GDAP2: variants seen among roughly 807,000 people sequenced by gnomAD.
GDAP2 encodes the protein ganglioside-induced differentiation-associated protein 2.
Under a neutral mutation model 67.0 loss-of-function variants are expected in GDAP2, and 51 were observed. The ratio of observed to expected loss-of-function variants is 0.76; its 90% confidence interval spans 0.61 to 0.96. GDAP2 has a LOEUF of 0.96. GDAP2 is among the 40% of genes least tolerant of loss of function. GDAP2 has a pLI of 0.00. For missense variants in GDAP2, 547 were observed against 588.3 expected (o/e 0.93, Z 0.73); for synonymous variants, 203 against 207.3 (o/e 0.98, Z 0.18).
intron 8 of GDAP2, among the ~76,000 whole-genome samples, chr1:117,892,421 T>C (rs1355825406): frequency 6.6e-6 from 1 of 152,176 alleles, no homozygotes; most frequent in Non-Finnish European, 1.5e-5. Context: ...TGCAATCTTT[T>C]GTTCCAATCC....
At chr1:117,897,402 T>G (rs1397762494) in intron 7 of GDAP2, among the ~76,000 whole-genome samples, 1 of 152,228 alleles carries the variant, frequency 6.6e-6, no homozygotes, top group Non-Finnish European at 1.5e-5. Context: ...AGCATTTGAT[T>G]GCATAAATGC....
intron 13 of GDAP2, chr1:117,877,778 CAG>C: frequency 1.6e-6 from 2 of 1,238,608 alleles, no homozygotes; most frequent in Non-Finnish European, 2.0e-6. Context: ...GAACTCACAG[CAG>C]AGAGATCTCC....
In GDAP2 at chr1:117,922,285, A is replaced by G. The variant is rs78159682; in HGVS notation, c.-67-1861T>C. ...GATCCAAGGACTGAGTCCTACAACA[A>G]AACTTAGAGGCTGGAAAGAGGACAA... On this transcript the variant is annotated intron_variant, in intron 1 of 13. Transcript: ENST00000369443. 5.6e-3 allele frequency among the ~76,000 whole-genome samples: 849 copies of G among 152,310 alleles called. 6 individuals are homozygous for G. Among genetic ancestry groups the G allele is most frequent in the East Asian group, 0.033 (170 of 5,174 alleles).
rs762015128 is a variant in GDAP2 at position 117,899,222 on chromosome 1, T to C, written c.637-6A>G. 1.2e-6 allele frequency: 2 copies of C among 1,601,886 alleles called. No individual in the cohort carries two copies. Among genetic ancestry groups the C allele is most frequent in the Admixed American group, 3.3e-5 (2 of 59,974 alleles). On this transcript the variant is annotated splice_region_variant and splice_polypyrimidine_tract_variant and intron_variant, in intron 6 of 13. Coordinates refer to ENST00000369443, the MANE Select transcript of GDAP2 (RefSeq NM_017686.4). The stretch of plus-strand genomic sequence containing the variant: ...AGCAGCTTTTGGTAAGTACCCTGTG[T>C]CAGAAAAGCAAGACATTCTGTGAAA...
Position 117,868,868 on chromosome 1 carries a change from A to T in GDAP2, c.*1701T>A, listed in dbSNP as rs1648163214. 1 of 152,204 alleles carries T rather than the reference A, an allele frequency of 6.6e-6. No individual in the cohort carries two copies. Among genetic ancestry groups the T allele is most frequent in the Non-Finnish European group, 1.5e-5 (1 of 68,042 alleles). The allele number at this position is 152,204 out of a possible 1,614,324, so 9.4% of individuals were successfully genotyped here. ...TAGATGTATATATAAGGATCAAGTA[A>T]TTTTGAGGTCTGACACAAAGAAAAT... is the stretch of plus-strand genomic sequence containing the variant. On this transcript the variant is annotated 3_prime_UTR_variant, in exon 14 of 14. Coordinates refer to ENST00000369443, the MANE Select transcript of GDAP2 (RefSeq NM_017686.4).
chr1:117,894,007 T>C (rs1251206984), intron 8 of GDAP2, among the ~76,000 whole-genome samples: 3 of 152,212 alleles, frequency 2.0e-5, no homozygotes, highest in Non-Finnish European at 4.4e-5. Context: ...TGCAAATCTC[T>C]TTAATTTCTG....
At chr1:117,898,884 TTTTA>T (rs1649350340) in intron 7 of GDAP2, among the ~76,000 whole-genome samples, 169 bp downstream of exon 7, 1 of 152,204 alleles carries the variant, frequency 6.6e-6, no homozygotes. Flanking sequence ...CTAGCTATAC[TTTTA>T]TTTTTAATTT....
chr1:117,877,880 CCAAGT>C, intron 13 of GDAP2, 124 bp downstream of exon 13: 1 of 1,309,724 alleles, frequency 7.6e-7, no homozygotes, highest in Non-Finnish European at 9.8e-7. Flanking sequence ...AATGATATTA[CCAAGT>C]TTATTAAGAC....
chr1:117,921,614 G>A (rs562612233), intron 1 of GDAP2, among the ~76,000 whole-genome samples: 1 of 152,304 alleles, frequency 6.6e-6, no homozygotes, highest in South Asian at 2.1e-4. Context: ...ATGAGTGGTA[G>A]GTGATGAGGT....
intron 8 of GDAP2, among the ~76,000 whole-genome samples, chr1:117,888,480 G>A (rs1398402331): frequency 6.6e-6 from 1 of 152,084 alleles, no homozygotes; most frequent in Non-Finnish European, 1.5e-5. Context: ...AAAGATTAAT[G>A]GTCAAGTTCA....
intron 1 of GDAP2, among the ~76,000 whole-genome samples, chr1:117,924,778 TA>T (rs1650385463): frequency 6.6e-6 from 1 of 152,206 alleles, no homozygotes; most frequent in African/African-American, 2.4e-5. Flanking sequence ...TAATTTTACC[TA>T]AAAGTTGGTG....
intron 9 of GDAP2, 134 bp downstream of exon 9, chr1:117,887,564 C>G: frequency 1.5e-6 from 1 of 672,794 alleles, no homozygotes; most frequent in Non-Finnish European, 2.7e-6. Flanking sequence ...ACAGGCAAAA[C>G]TATCTTTATT....
At chr1:117,904,846 G>A (rs141020247) in intron 6 of GDAP2, among the ~76,000 whole-genome samples, 163 of 152,302 alleles carry the variant, frequency 1.1e-3, no homozygotes, top group African/African-American at 3.9e-3. Flanking sequence ...ACAATGGTTC[G>A]CTGAGCCTCT....
At chr1:117,874,715 C>T (rs1648396946) in intron 13 of GDAP2, among the ~76,000 whole-genome samples, 2 of 152,148 alleles carry the variant, frequency 1.3e-5, no homozygotes, top group Non-Finnish European at 2.9e-5. Context: ...AAGTTTGAAA[C>T]TTCTTAGAGA....
intron 6 of GDAP2, among the ~76,000 whole-genome samples, chr1:117,902,782 A>ATAAT (rs1171548288): frequency 6.6e-6 from 1 of 152,188 alleles, no homozygotes; most frequent in Non-Finnish European, 1.5e-5. Flanking sequence ...GATCAACTTG[A>ATAAT]TAATTTCTGC....
chr1:117,925,180 C>T (rs1030057972), intron 1 of GDAP2, among the ~76,000 whole-genome samples: 4 of 152,150 alleles, frequency 2.6e-5, no homozygotes, highest in African/African-American at 9.7e-5. Flanking sequence ...CGGTTGGACG[C>T]AGTGGCTCAC....
chr1:117,877,864 A>G (rs1330145402), intron 13 of GDAP2, 145 bp downstream of exon 13: 3 of 1,287,050 alleles, frequency 2.3e-6, no homozygotes, highest in South Asian at 5.9e-5. Context: ...TAGGGAAAGT[A>G]TGTTAAATGA....
At chr1:117,887,854 T>A (rs1350885757) in intron 8 of GDAP2, 80 bp from the exon 9 acceptor site, 3 of 784,238 alleles carry the variant, frequency 3.8e-6, no homozygotes, top group Non-Finnish European at 6.6e-6. Context: ...TTAATACCCT[T>A]CCCTGACCCT....
chr1:117,883,549 T>C lies in GDAP2; in HGVS notation c.1186A>G (p.Ser396Gly). 3 of 1,609,854 alleles carry C rather than the reference T, an allele frequency of 1.9e-6. No individual in the cohort carries two copies. The highest frequency in any genetic ancestry group is 1.3e-5 in the African/African-American group (1 of 74,928). Residue 396 changes from serine (S) to glycine (G), a missense_variant, in exon 11 of 14, where the codon AGC becomes GGC. Coordinates refer to ENST00000369443, the MANE Select transcript of GDAP2 (RefSeq NM_017686.4). ...TCGGAGTCCAGGTGATTGTATTCGC[T>C]GGTCAGGGTGTGAAAATACACTAAT... ...YVLVYFHTLT[S>G]EYNHLDSDFL...
Sources: allele counts gnomAD v4.1 joint callset (sites outside exome capture counted in the v4.1 genomes callset), GRCh38; gene constraint gnomAD v4.1.1; transcripts MANE v1.5; gene names NCBI Gene and HGNC (gene_info 2026-07-23, HGNC 2026-07-21).